DPYSL3: variants seen among roughly 807,000 people sequenced by gnomAD.
DPYSL3 encodes the protein dihydropyrimidinase-related protein 3.
DPYSL3 carries 16 observed loss-of-function variants against 66.1 expected under a neutral mutation model. The ratio of observed to expected loss-of-function variants is 0.24; its 90% confidence interval spans 0.16 to 0.37. DPYSL3 has a LOEUF of 0.37. DPYSL3 is among the 10% of genes least tolerant of loss of function. The probability of loss-of-function intolerance (pLI) is 1.00; values close to 1 mark genes in which losing one functional copy is unlikely to be tolerated. For missense variants in DPYSL3, 738 were observed against 916.2 expected (o/e 0.81, Z 2.51); for synonymous variants, 338 against 345.1 (o/e 0.98, Z 0.23).
intron 13 of DPYSL3, 58 bp downstream of exon 13, chr5:147,395,501 G>C (rs1011047389): frequency 6.4e-7 from 1 of 1,553,462 alleles, no homozygotes; most frequent in African/African-American, 1.4e-5. Context: ...TGTGGCCTCA[G>C]AACATTGATC....
At chr5:147,500,734 A>G (rs1050959020) in intron 1 of DPYSL3, among the ~76,000 whole-genome samples, 2 of 152,324 alleles carry the variant, frequency 1.3e-5, no homozygotes, top group African/African-American at 4.8e-5. Flanking sequence ...ATCATATGCC[A>G]TTGGAAAATT....
chr5:147,463,201 A>G (rs531543782), intron 1 of DPYSL3, among the ~76,000 whole-genome samples: 2 of 152,254 alleles, frequency 1.3e-5, no homozygotes, highest in South Asian at 4.1e-4. Context: ...CTGATAGAGA[A>G]GAAAAAAATC....
At chr5:147,421,592 C>A (rs1752079231) in intron 2 of DPYSL3, among the ~76,000 whole-genome samples, 1 of 152,174 alleles carries the variant, frequency 6.6e-6, no homozygotes, top group South Asian at 2.1e-4. Flanking sequence ...AGGCATCATA[C>A]TACCTGACTT....
chr5:147,456,606 T>A (rs1752857540), intron 1 of DPYSL3, among the ~76,000 whole-genome samples: 1 of 144,292 alleles, frequency 6.9e-6, no homozygotes. Flanking sequence ...TTTTTTTTTT[T>A]TGAGACAGAG....
intron 1 of DPYSL3, among the ~76,000 whole-genome samples, chr5:147,493,606 TAAAG>T (rs1245328278): frequency 1.3e-5 from 2 of 149,640 alleles, no homozygotes; most frequent in African/African-American, 2.5e-5. Context: ...AAGAAAGAAA[TAAAG>T]AAAGAAGGAA....
chr5:147,392,407 G>A lies in DPYSL3; in HGVS notation c.*1628C>T, dbSNP rs2152012645. 6.6e-6 allele frequency: 1 copy of A among 152,324 alleles called. No homozygotes were observed. The highest frequency in any genetic ancestry group is 2.4e-5 in the African/African-American group (1 of 41,572). The allele number at this position is 152,324 out of a possible 1,614,324, so 9.4% of individuals were successfully genotyped here. ...GGTCTTCAACTTATTCAAACCTGCA[G>A]TCAGAGACAATGGTTTCTCCTAAGC... On this transcript the variant is annotated 3_prime_UTR_variant, in exon 14 of 14. Coordinates refer to ENST00000343218, the MANE Select transcript of DPYSL3 (RefSeq NM_001197294.2).
chr5:147,496,294 C>T (rs1030221151), intron 1 of DPYSL3, among the ~76,000 whole-genome samples: 10 of 152,136 alleles, frequency 6.6e-5, no homozygotes, highest in African/African-American at 2.2e-4. Flanking sequence ...ACCATAAAAG[C>T]CCTAGAAGAA....
intron 1 of DPYSL3, among the ~76,000 whole-genome samples, chr5:147,439,106 C>T (rs1752480899): frequency 6.6e-6 from 1 of 152,208 alleles, no homozygotes; most frequent in Admixed American, 6.5e-5. Flanking sequence ...TTCATTCCTT[C>T]ATCTAATATT....
At chr5:147,420,032 C>T (rs111610581) in intron 2 of DPYSL3, among the ~76,000 whole-genome samples, 3,326 of 152,244 alleles carry the variant, frequency 0.022, 130 homozygotes, top group African/African-American at 0.077. Context: ...CTTCCCCCTT[C>T]GTCACTGCTC....
chr5:147,505,499 G>A (rs1462093378), intron 1 of DPYSL3, among the ~76,000 whole-genome samples: 1 of 152,106 alleles, frequency 6.6e-6, no homozygotes, highest in African/African-American at 2.4e-5. Context: ...GCTTCTCAAA[G>A]TGCTGAGATT....
intron 1 of DPYSL3, among the ~76,000 whole-genome samples, chr5:147,452,025 C>A (rs564131066): frequency 4.6e-5 from 7 of 152,160 alleles, no homozygotes; most frequent in Non-Finnish European, 7.3e-5. Context: ...GCAAAAGGAT[C>A]CCTGCTGGCC....
chr5:147,497,041 A>G (rs1207842698), intron 1 of DPYSL3, among the ~76,000 whole-genome samples: 1 of 152,232 alleles, frequency 6.6e-6, no homozygotes, highest in Admixed American at 6.5e-5. Flanking sequence ...AAAATGTGGC[A>G]CATATACACC....
chr5:147,406,884 CTCAGCAGA>C (rs1302203561), intron 7 of DPYSL3, among the ~76,000 whole-genome samples: 1 of 152,192 alleles, frequency 6.6e-6, no homozygotes, highest in African/African-American at 2.4e-5. Flanking sequence ...GTGGGTGTAG[CTCAGCAGA>C]CAGACCTAAG....
intron 1 of DPYSL3, among the ~76,000 whole-genome samples, chr5:147,501,722 A>G (rs998751201): frequency 2.6e-5 from 4 of 151,982 alleles, no homozygotes; most frequent in Admixed American, 2.6e-4. Context: ...GAGGTGATCC[A>G]CCCACCTTAG....
intron 1 of DPYSL3, among the ~76,000 whole-genome samples, chr5:147,441,800 G>GT (rs1752537468): frequency 6.6e-6 from 1 of 152,120 alleles, no homozygotes; most frequent in Non-Finnish European, 1.5e-5. Context: ...AAGCAAGGCT[G>GT]TTTTTTCCCA....
chr5:147,451,471 G>A (rs765079716), intron 1 of DPYSL3, among the ~76,000 whole-genome samples: 3 of 152,164 alleles, frequency 2.0e-5, no homozygotes, highest in Non-Finnish European at 4.4e-5. Flanking sequence ...TCCTGGGATT[G>A]GGGCACAACC....
chr5:147,401,866 TA>T, intron 8 of DPYSL3, 170 bp from the exon 9 acceptor site: 1 of 667,032 alleles, frequency 1.5e-6, no homozygotes, highest in Non-Finnish European at 2.3e-6. Flanking sequence ...TCCTATCTGC[TA>T]AATGTGACCA....
At chr5:147,500,617 A>G (rs1753592596) in intron 1 of DPYSL3, among the ~76,000 whole-genome samples, 1 of 151,888 alleles carries the variant, frequency 6.6e-6, no homozygotes, top group African/African-American at 2.4e-5. Context: ...CCATCTCAAA[A>G]AAAAAAAAAA....
intron 1 of DPYSL3, among the ~76,000 whole-genome samples, chr5:147,502,847 A>T (rs188520699): frequency 6.6e-6 from 1 of 152,268 alleles, no homozygotes; most frequent in Non-Finnish European, 1.5e-5. Context: ...AAGTGCTGGG[A>T]TTACAAGCGT....
Sources: allele counts gnomAD v4.1 joint callset (sites outside exome capture counted in the v4.1 genomes callset), GRCh38; gene constraint gnomAD v4.1.1; transcripts MANE v1.5; gene names NCBI Gene and HGNC (gene_info 2026-07-23, HGNC 2026-07-21).